Variants in HS3ST4 observed in about 807,000 individuals in gnomAD.
The protein encoded by HS3ST4 is heparan sulfate-glucosamine 3-sulfotransferase 4, also known as heparan sulfate glucosamine 3-O-sulfotransferase 4.
Under a neutral mutation model 29.2 loss-of-function variants are expected in HS3ST4, and 17 were observed. That is an observed-to-expected ratio of 0.58 (90% confidence interval 0.40 to 0.87). The LOEUF is 0.87. HS3ST4 is among the 40% of genes least tolerant of loss of function. The pLI is 0.00. For synonymous variants in HS3ST4, 314 were observed against 285.7 expected (o/e 1.10, Z -1.00); for missense variants, 627 against 634.5 (o/e 0.99, Z 0.13).
intron 1 of HS3ST4, among the ~76,000 whole-genome samples, chr16:25,787,551 G>T (rs1966859453): frequency 6.6e-6 from 1 of 152,198 alleles, no homozygotes; most frequent in South Asian, 2.1e-4. Context: ...CTAAAATAGG[G>T]ATATGCTGCT....
chr16:25,968,961 A>G (rs1968870922), intron 1 of HS3ST4, among the ~76,000 whole-genome samples: 1 of 152,132 alleles, frequency 6.6e-6, no homozygotes, highest in South Asian at 2.1e-4. Context: ...CTGGGATTAC[A>G]GGTGCATGCC....
At chr16:25,869,018 T>C (rs1374436609) in intron 1 of HS3ST4, among the ~76,000 whole-genome samples, 1 of 152,176 alleles carries the variant, frequency 6.6e-6, no homozygotes, top group Non-Finnish European at 1.5e-5. Context: ...TTACCTTTTC[T>C]GCCCTACCTT....
intron 1 of HS3ST4, among the ~76,000 whole-genome samples, chr16:25,976,549 C>T (rs895169379): frequency 3.3e-5 from 5 of 152,034 alleles, no homozygotes; most frequent in Non-Finnish European, 5.9e-5. Flanking sequence ...TTGTGGAAGG[C>T]GTGGTTGGTG....
At chr16:25,729,861 A>G (rs1966559607) in intron 1 of HS3ST4, among the ~76,000 whole-genome samples, 1 of 152,172 alleles carries the variant, frequency 6.6e-6, no homozygotes, top group African/African-American at 2.4e-5. Flanking sequence ...GGGTACAGGT[A>G]TGGAGTTTGT....
At position 26,136,145 on chromosome 16, in the gene HS3ST4, A is replaced by G; in HGVS notation, c.1268A>G (p.Asp423Gly). Residue 423 changes from aspartate to glycine, a missense_variant, in exon 2 of 2, where the codon GAT becomes GGT. Coordinates refer to ENST00000331351, the MANE Select transcript of HS3ST4 (RefSeq NM_006040.3). The part of the protein sequence containing the change: ...KGRTHPRIDP[D>G]VIHRLRKFYK... ...CGGACTCATCCTCGCATTGACCCAG[A>G]TGTCATCCACAGACTGAGGAAATTC... 1 of 1,613,432 alleles carries G rather than the reference A, an allele frequency of 6.2e-7. No individual in the cohort carries two copies. The highest frequency in any genetic ancestry group is 8.5e-7 in the Non-Finnish European group (1 of 1,179,662).
At chr16:26,123,392 G>A (rs942736596) in intron 1 of HS3ST4, among the ~76,000 whole-genome samples, 27 of 152,230 alleles carry the variant, frequency 1.8e-4, no homozygotes, top group African/African-American at 6.5e-4. Context: ...TTCCAAAAGA[G>A]GCATTTGTGG....
intron 1 of HS3ST4, among the ~76,000 whole-genome samples, chr16:25,950,815 CG>C (rs1265476489): frequency 6.6e-6 from 1 of 152,108 alleles, no homozygotes; most frequent in Non-Finnish European, 1.5e-5. Flanking sequence ...GCCCCACCTC[CG>C]GGGGTTGTCA....
rs144274082 is a variant in HS3ST4, at chr16:25,930,351, C to T, written c.735-205261C>T. 2.7e-3 allele frequency among the ~76,000 whole-genome samples: 409 copies of T among 152,344 alleles called. 1 individual carries two copies. The highest frequency in any genetic ancestry group is 9.2e-3 in the African/African-American group (382 of 41,582). ...CAGCCCTGTCTAAACTCCAGCCACT[C>T]TTACTCCTTTTGTTCTAAAACACTG... is the stretch of plus-strand genomic sequence containing the variant. On this transcript the variant is annotated intron_variant, in intron 1 of 1. Transcript: ENST00000331351.
chr16:26,000,022 T>A (rs1969199657), intron 1 of HS3ST4, among the ~76,000 whole-genome samples: 1 of 150,938 alleles, frequency 6.6e-6, no homozygotes, highest in South Asian at 2.1e-4. Context: ...AATGTGTACA[T>A]GTTGAAAAGT....
intron 1 of HS3ST4, among the ~76,000 whole-genome samples, chr16:26,120,608 C>T (rs72780080): frequency 1.2e-3 from 179 of 152,220 alleles, no homozygotes; most frequent in Non-Finnish European, 2.0e-3. Flanking sequence ...AGAACACACT[C>T]GCTCTTCACA....
At chr16:25,813,396 G>A (rs1410191283) in intron 1 of HS3ST4, among the ~76,000 whole-genome samples, 2 of 152,106 alleles carry the variant, frequency 1.3e-5, no homozygotes, top group South Asian at 2.1e-4. Flanking sequence ...AGGCTGAGGC[G>A]GGCGGATCAC....
At chr16:25,781,505 T>G (rs1378788703) in intron 1 of HS3ST4, among the ~76,000 whole-genome samples, 2 of 152,166 alleles carry the variant, frequency 1.3e-5, no homozygotes, top group African/African-American at 2.4e-5. Flanking sequence ...GGATAGAATC[T>G]CCTCTCTCAC....
At chr16:25,989,412 A>T (rs1419968773) in intron 1 of HS3ST4, among the ~76,000 whole-genome samples, 1 of 152,216 alleles carries the variant, frequency 6.6e-6, no homozygotes, top group Non-Finnish European at 1.5e-5. Flanking sequence ...GGTGACATAC[A>T]TGGGAAGACC....
chr16:25,962,700 T>C (rs1260880528), intron 1 of HS3ST4, among the ~76,000 whole-genome samples: 1 of 152,094 alleles, frequency 6.6e-6, no homozygotes, highest in African/African-American at 2.4e-5. Context: ...AGCATGAAGG[T>C]GAGGTGGATA....
chr16:25,751,630 C>T (rs970384938), intron 1 of HS3ST4, among the ~76,000 whole-genome samples: 3 of 152,174 alleles, frequency 2.0e-5, no homozygotes, highest in Admixed American at 6.5e-5. Context: ...CATTTCACTC[C>T]TGCTTCACAC....
chr16:25,747,124 G>A (rs1280311110), intron 1 of HS3ST4, among the ~76,000 whole-genome samples: 3 of 152,140 alleles, frequency 2.0e-5, no homozygotes, highest in Admixed American at 1.3e-4. Flanking sequence ...CAAAGTGTTG[G>A]GATGACAGGT....
At chr16:25,880,336 C>G (rs761916987) in intron 1 of HS3ST4, among the ~76,000 whole-genome samples, 1 of 152,078 alleles carries the variant, frequency 6.6e-6, no homozygotes, top group Non-Finnish European at 1.5e-5. Flanking sequence ...GTGCCTGACA[C>G]GTGGTTAACA....
Position 26,120,052 on chromosome 16 carries a change from A to AGT in HS3ST4, c.735-15543_735-15542dup, listed in dbSNP as rs35643541. ...GCCTATTATGGGAAGAGCTGAAGGA[A>AGT]GTGTGTGTGTGTGTGTGTATGTGTG... On this transcript the variant is annotated intron_variant, in intron 1 of 1. Coordinates refer to ENST00000331351, the MANE Select transcript of HS3ST4 (RefSeq NM_006040.3). Among the ~76,000 whole-genome samples the AGT allele has an allele frequency of 2.5e-3, 325 of 131,544 alleles. 2 individuals are homozygous for AGT. The highest frequency in any genetic ancestry group is 7.6e-3 in the Middle Eastern group (2 of 264). 86.3% of individuals were successfully genotyped at this position (131,544 alleles called of 152,430 possible). A position where few individuals can be genotyped will look rare whatever the true frequency, so the allele number is the denominator to read the frequency against.
intron 1 of HS3ST4, among the ~76,000 whole-genome samples, chr16:25,759,963 T>A (rs1966779541): frequency 6.6e-6 from 1 of 151,914 alleles, no homozygotes; most frequent in Admixed American, 6.6e-5. Context: ...AGTAAAACCC[T>A]GTGAAATAGG....
Sources: gnomAD v4.1 joint callset for allele counts (sites outside exome capture counted in the v4.1 genomes callset) on GRCh38, gnomAD v4.1.1 for gene constraint, MANE v1.5 for transcripts, NCBI Gene and HGNC (gene_info 2026-07-23, HGNC 2026-07-21) for gene names.